FBXL4: variants seen among roughly 807,000 people sequenced by gnomAD.
FBXL4 encodes the protein F-box and leucine rich repeat protein 4.
In FBXL4, 40 loss-of-function variants were observed where a neutral mutation model predicts 58.9. The observed-to-expected ratio is 0.68, with a 90% CI of 0.53 to 0.88. The LOEUF (loss-of-function observed/expected upper bound fraction) is 0.88, where lower values mean the gene tolerates loss of function less well. FBXL4 is among the 40% of genes least tolerant of loss of function. FBXL4 has a pLI of 0.00. For missense variants in FBXL4, 676 were observed against 734.4 expected (o/e 0.92, Z 0.92); for synonymous variants, 263 against 265.5 (o/e 0.99, Z 0.09).
At chr6:98,892,502 T>C (rs1250942046) in intron 7 of FBXL4, among the ~76,000 whole-genome samples, 2 of 152,218 alleles carry the variant, frequency 1.3e-5, no homozygotes, top group Non-Finnish European at 2.9e-5. Context: ...AATAATGTAT[T>C]GTTTAAATCA....
At chr6:98,899,583 G>T in intron 6 of FBXL4, 102 bp from the exon 7 acceptor site, 1 of 1,296,516 alleles carries the variant, frequency 7.7e-7, no homozygotes, top group Non-Finnish European at 1.0e-6. Flanking sequence ...TGAAAGAATA[G>T]ATTTCTATTA....
intron 5 of FBXL4, among the ~76,000 whole-genome samples, chr6:98,913,210 C>A (rs1486748708): frequency 1.3e-5 from 2 of 152,200 alleles, no homozygotes; most frequent in Non-Finnish European, 2.9e-5. Flanking sequence ...GACTTAGACT[C>A]CCACACAATA....
intron 9 of FBXL4, chr6:98,875,167 A>G: frequency 2.1e-6 from 1 of 481,248 alleles, no homozygotes; most frequent in Non-Finnish European, 3.7e-6. Flanking sequence ...ACCAAGAATT[A>G]ATGGTTATAG....
chr6:98,876,432 A>G lies in FBXL4; in HGVS notation c.1390-705T>C, dbSNP rs777987413. 5.8e-4 allele frequency among the ~76,000 whole-genome samples: 88 copies of G among 152,228 alleles called. 1 individual carries two copies. Among genetic ancestry groups the G allele is most frequent in the Non-Finnish European group, 8.8e-4 (60 of 68,036 alleles). On this transcript the variant is annotated intron_variant, in intron 8 of 9. Coordinates refer to ENST00000369244, the MANE Select transcript of FBXL4 (RefSeq NM_001278716.2). ...AAGAGGTTCATTTGATTTTGCTAAA[A>G]TCAGATATTAAAATTATCACAAGGA... is the stretch of plus-strand genomic sequence containing the variant.
chr6:98,918,971 TG>T (rs1772477164), intron 4 of FBXL4, among the ~76,000 whole-genome samples: 1 of 152,020 alleles, frequency 6.6e-6, no homozygotes, highest in South Asian at 2.1e-4. Context: ...ACCAATAAAT[TG>T]TTCGTTTATT....
intron 5 of FBXL4, among the ~76,000 whole-genome samples, chr6:98,907,024 T>A (rs1210314072): frequency 2.0e-5 from 3 of 152,226 alleles, no homozygotes; most frequent in Non-Finnish European, 4.4e-5. Context: ...GGTTGTTTCT[T>A]TCTTGTAAAT....
intron 5 of FBXL4, among the ~76,000 whole-genome samples, chr6:98,907,300 G>C (rs1771852084): frequency 6.6e-6 from 1 of 152,198 alleles, no homozygotes; most frequent in African/African-American, 2.4e-5. Flanking sequence ...TTTTAAACTA[G>C]AGTGACATGT....
At chr6:98,879,242 T>C (rs1770761102) in intron 8 of FBXL4, among the ~76,000 whole-genome samples, 1 of 152,226 alleles carries the variant, frequency 6.6e-6, no homozygotes, top group Non-Finnish European at 1.5e-5. Flanking sequence ...CTCCCTAGCA[T>C]ACCAGAAGTT....
intron 4 of FBXL4, among the ~76,000 whole-genome samples, chr6:98,918,493 A>G (rs1314215122): frequency 1.3e-5 from 2 of 152,072 alleles, no homozygotes; most frequent in Non-Finnish European, 2.9e-5. Flanking sequence ...TCTATTCTTC[A>G]AGGCCTAACT....
intron 5 of FBXL4, among the ~76,000 whole-genome samples, chr6:98,914,895 A>G (rs1417995063): frequency 6.6e-6 from 1 of 152,020 alleles, no homozygotes; most frequent in East Asian, 1.9e-4. Flanking sequence ...GTTTGCACAC[A>G]ACATGATTGT....
At chr6:98,916,367 C>T (rs180963386) in intron 5 of FBXL4, among the ~76,000 whole-genome samples, 7 of 152,248 alleles carry the variant, frequency 4.6e-5, no homozygotes, top group Non-Finnish European at 7.4e-5. Context: ...CACATGCACA[C>T]GTATGTTTAT....
At chr6:98,943,579 CAA>C in intron 1 of FBXL4, among the ~76,000 whole-genome samples, 1 of 76,692 alleles carries the variant, frequency 1.3e-5, no homozygotes, top group Admixed American at 1.7e-4. Context: ...GACTCTGTCT[CAA>C]AAAAAAAAAA....
chr6:98,899,632 A>G (rs1395507341), intron 6 of FBXL4, 151 bp from the exon 7 acceptor site: 2 of 900,894 alleles, frequency 2.2e-6, no homozygotes, highest in Non-Finnish European at 3.2e-6. Context: ...ATTCTTATTC[A>G]CTGCATACTG....
rs1464006396 is a variant in FBXL4, at chr6:98,924,048, G to A, written c.512+2429C>T. On this transcript the variant is annotated intron_variant, in intron 4 of 9. Transcript: ENST00000369244. ...AATTAGAGATACAGGTATAAATAAA[G>A]TTTTAACTTTAATCACAACCATATA... Among the ~76,000 whole-genome samples the A allele has an allele frequency of 3.3e-5, 5 of 152,062 alleles. No individual in the cohort carries two copies. The South Asian group carries it at 1.0e-3, about 32-fold the overall frequency.
chr6:98,891,450 G>T (rs1771222324), intron 7 of FBXL4, among the ~76,000 whole-genome samples: 1 of 152,072 alleles, frequency 6.6e-6, no homozygotes, highest in Admixed American at 6.6e-5. Flanking sequence ...CCTTTGCCTT[G>T]CCCTGCAGTC....
intron 1 of FBXL4, among the ~76,000 whole-genome samples, chr6:98,942,537 C>T (rs1773471372): frequency 6.6e-6 from 1 of 152,016 alleles, no homozygotes; most frequent in African/African-American, 2.4e-5. Context: ...AGCGCATCCC[C>T]CACTCTCTTC....
chr6:98,911,591 C>T (rs1243913369), intron 5 of FBXL4, among the ~76,000 whole-genome samples: 1 of 152,200 alleles, frequency 6.6e-6, no homozygotes, highest in Admixed American at 6.5e-5. Flanking sequence ...GGACCTCTAG[C>T]AAACTCCAAC....
intron 4 of FBXL4, among the ~76,000 whole-genome samples, chr6:98,919,529 G>C (rs979325511): frequency 1.3e-5 from 2 of 152,068 alleles, no homozygotes; most frequent in Non-Finnish European, 2.9e-5. Flanking sequence ...GGTTTAATGA[G>C]GAAAGAGAAG....
At chr6:98,919,232 C>T (rs1328370321) in intron 4 of FBXL4, among the ~76,000 whole-genome samples, 1 of 152,038 alleles carries the variant, frequency 6.6e-6, no homozygotes, top group Admixed American at 6.6e-5. Flanking sequence ...AAGCAAACTC[C>T]AAAGGAATTC....
Sources: gnomAD v4.1 joint callset for allele counts (sites outside exome capture counted in the v4.1 genomes callset) on GRCh38, gnomAD v4.1.1 for gene constraint, MANE v1.5 for transcripts, NCBI Gene and HGNC (gene_info 2026-07-23, HGNC 2026-07-21) for gene names.